Variants in NPEPPS observed in about 807,000 individuals in gnomAD.
The protein encoded by NPEPPS is aminopeptidase puromycin sensitive.
In NPEPPS, 14 loss-of-function variants were observed where a neutral mutation model predicts 115.5. The ratio of observed to expected loss-of-function variants is 0.12; its 90% CI spans 0.08 to 0.19. The LOEUF is 0.19. NPEPPS is among the 10% of genes least tolerant of loss of function. The probability of loss-of-function intolerance (pLI) is 1.00; values close to 1 mark genes in which losing one functional copy is unlikely to be tolerated. For synonymous variants in NPEPPS, 285 were observed against 390.6 expected, an observed-to-expected ratio of 0.73 and a Z score of 3.19; for missense variants, 523 against 1,110.8, an observed-to-expected ratio of 0.47 and a Z score of 7.52.
chr17:47,530,350 GGTTTT>G (rs1907645936), upstream of NPEPPS, among the ~76,000 whole-genome samples: 3 of 127,316 alleles, frequency 2.4e-5, no homozygotes, highest in African/African-American at 8.7e-5. Flanking sequence ...GATTATTAAA[GGTTTT>G]TTTTTTTTTT....
chr17:47,560,130 A>G (rs1367837213), intron 2 of NPEPPS, among the ~76,000 whole-genome samples: 1 of 152,100 alleles, frequency 6.6e-6, no homozygotes, highest in Non-Finnish European at 1.5e-5. Context: ...CCTTCCTTCC[A>G]GCTTTTTTAG....
chr17:47,575,613 TA>T (rs1384976705), intron 3 of NPEPPS, among the ~76,000 whole-genome samples: 4 of 148,804 alleles, frequency 2.7e-5, no homozygotes, highest in African/African-American at 9.8e-5. Flanking sequence ...TTATTATTAT[TA>T]TTATTTTTGA....
intron 1 of NPEPPS, among the ~76,000 whole-genome samples, chr17:47,524,721 G>A (rs1385309010): frequency 6.7e-6 from 1 of 149,624 alleles, no homozygotes; most frequent in Non-Finnish European, 1.5e-5. Context: ...GGCCAGGATG[G>A]TCTCGATCTC....
At chr17:47,595,864 C>G (rs2143893522) in intron 12 of NPEPPS, among the ~76,000 whole-genome samples, 1 of 151,908 alleles carries the variant, frequency 6.6e-6, no homozygotes, top group South Asian at 2.1e-4. Context: ...TGCCTGTAAT[C>G]CCAGCTACTC....
intron 19 of NPEPPS, 57 bp downstream of exon 19, chr17:47,613,782 G>A: frequency 7.8e-7 from 1 of 1,274,356 alleles, no homozygotes; most frequent in Non-Finnish European, 1.1e-6. Flanking sequence ...TAGACACACA[G>A]TAAACCTCTA....
intron 19 of NPEPPS, among the ~76,000 whole-genome samples, chr17:47,617,722 CAAT>C (rs751177902): frequency 6.6e-6 from 1 of 152,058 alleles, no homozygotes; most frequent in Non-Finnish European, 1.5e-5. Flanking sequence ...AGCCAGATAT[CAAT>C]GATGTAAAGA....
intron 1 of NPEPPS, among the ~76,000 whole-genome samples, chr17:47,523,347 C>G (rs1266026334): frequency 1.3e-5 from 2 of 148,960 alleles, no homozygotes; most frequent in Non-Finnish European, 3.0e-5. Flanking sequence ...TACATTTGCT[C>G]TCTATAATTT....
chr17:47,576,293 AT>A (rs1397593373), intron 3 of NPEPPS, among the ~76,000 whole-genome samples: 1 of 152,208 alleles, frequency 6.6e-6, no homozygotes, highest in East Asian at 1.9e-4. Flanking sequence ...AAACAAGATA[AT>A]AAAAAGTGGT....
chr17:47,618,924 A>T, intron 20 of NPEPPS, 85 bp from the exon 21 acceptor site: 1 of 1,158,876 alleles, frequency 8.6e-7, no homozygotes, highest in Non-Finnish European at 1.2e-6. Context: ...CAGTGTGATT[A>T]CTTCAGTGTC....
chr17:47,526,421 A>G (rs1597798301), upstream of NPEPPS, among the ~76,000 whole-genome samples: 4 of 152,346 alleles, frequency 2.6e-5, no homozygotes, highest in African/African-American at 9.6e-5. Context: ...TCATTCCAGC[A>G]ATAATGCCTG....
Position 47,612,527 on chromosome 17 carries a change from G to C in NPEPPS, c.2163G>C (p.Thr721=). ...GKLGKAGHKA[T]LEEARRRFKD... is the part of the protein sequence containing the mutation. ...TAGGAAAAGCAGGACATAAGGCAAC[G>C]TTAGAAGAAGCCCGTCGTCGGTTTA... Residue 721 remains threonine, a synonymous_variant, in exon 18 of 23, where the codon ACG becomes ACC. Transcript: ENST00000322157. 1 of 1,613,954 alleles carries C rather than the reference G, an allele frequency of 6.2e-7. No individual in the cohort carries two copies. The highest frequency in any genetic ancestry group is 2.2e-5 in the East Asian group (1 of 44,894).
intron 22 of NPEPPS, among the ~76,000 whole-genome samples, chr17:47,620,846 A>G (rs932189473): frequency 6.6e-6 from 1 of 152,160 alleles, no homozygotes; most frequent in African/African-American, 2.4e-5. Context: ...AGTTTATTCA[A>G]CTTTTAATCA....
intron 3 of NPEPPS, among the ~76,000 whole-genome samples, chr17:47,574,660 G>A (rs888325921): frequency 2.0e-5 from 3 of 151,970 alleles, no homozygotes; most frequent in African/African-American, 2.4e-5. Context: ...GTGCAGTCAC[G>A]GCTCACTGCA....
intron 2 of NPEPPS, among the ~76,000 whole-genome samples, chr17:47,556,576 G>A (rs1203510886): frequency 2.6e-5 from 4 of 152,202 alleles, no homozygotes; most frequent in East Asian, 3.9e-4. Flanking sequence ...ATCATGGCCC[G>A]CTCTCAATGA....
intron 3 of NPEPPS, among the ~76,000 whole-genome samples, chr17:47,572,715 C>G (rs1911271159): frequency 6.6e-6 from 1 of 152,068 alleles, no homozygotes. Context: ...ATTTGAGAAC[C>G]AGTCCAGCAG....
chr17:47,530,106 T>TG (rs1907630244), upstream of NPEPPS, among the ~76,000 whole-genome samples: 1 of 140,040 alleles, frequency 7.1e-6, no homozygotes, highest in Admixed American at 7.2e-5. Context: ...CCGGCTATTT[T>TG]TTTTTTTTTT....
chr17:47,556,119 T>C (rs8065099), intron 2 of NPEPPS, among the ~76,000 whole-genome samples: 69,996 of 140,536 alleles, frequency 0.5, 18,229 homozygotes, highest in East Asian at 0.65. Flanking sequence ...GGGTGTTTCT[T>C]GCAGAGGGGG....
upstream of NPEPPS, among the ~76,000 whole-genome samples, chr17:47,528,194 G>T (rs1303990272): frequency 4.7e-5 from 7 of 149,836 alleles, no homozygotes; most frequent in South Asian, 2.1e-4. Flanking sequence ...CCCAGCTACT[G>T]AGGAGGCTGG....
intron 1 of NPEPPS, among the ~76,000 whole-genome samples, chr17:47,534,130 C>T (rs371757670): frequency 7.9e-5 from 12 of 151,164 alleles, no homozygotes; most frequent in Admixed American, 4.0e-4. Flanking sequence ...CTCGCTCTGT[C>T]GCCCAGGCTG....
Sources: allele counts gnomAD v4.1 joint callset (sites outside exome capture counted in the v4.1 genomes callset), GRCh38; gene constraint gnomAD v4.1.1; transcripts MANE v1.5; gene names NCBI Gene and HGNC (gene_info 2026-07-23, HGNC 2026-07-21).